ELP3: variants seen among roughly 807,000 people sequenced by gnomAD.
ELP3 encodes elongator acetyltransferase complex subunit 3, also known as elongator complex protein 3.
A neutral mutation model predicts 74.9 loss-of-function variants in ELP3; 56 were observed. The observed-to-expected ratio is 0.75, with a 90% CI of 0.60 to 0.93. ELP3 has a LOEUF of 0.93. ELP3 is among the 40% of genes least tolerant of loss of function. ELP3 has a pLI of 0.00. For missense variants in ELP3, 573 were observed against 686.5 expected (o/e 0.83, Z 1.85); for synonymous variants, 222 against 239.8 (o/e 0.93, Z 0.68).
chr8:28,189,805 G>GTATTTA lies in ELP3; in HGVS notation c.*80_*81insTATTTA. 6.8e-7 allele frequency: 1 copy of GTATTTA among 1,478,760 alleles called. No individual in the cohort carries two copies. The allele number at this position is 1,478,760 out of a possible 1,614,324, so 91.6% of individuals were successfully genotyped here. A position where few individuals can be genotyped will look rare whatever the true frequency, so the allele number is the denominator to read the frequency against. On this transcript the variant is annotated 3_prime_UTR_variant, in exon 15 of 15. Coordinates refer to ENST00000256398, the MANE Select transcript of ELP3 (RefSeq NM_018091.6). The stretch of plus-strand genomic sequence containing the variant: ...CAGGATTTCTTAAATACTCAACAGA[G>GTATTTA]AGGCTGAGCAGAGCAAATGGGGGGC...
At position 28,167,351 on chromosome 8, in the gene ELP3, G is replaced by A. The variant is rs1037511250; in HGVS notation, c.1567+5273G>A. On this transcript the variant is annotated intron_variant, in intron 14 of 14. Coordinates refer to ENST00000256398, the MANE Select transcript of ELP3 (RefSeq NM_018091.6). Reference sequence around the variant, plus strand: ...GAACCACTGATTAATAAAATCATATGTGGGCAGAAAATAGCAGTTGTTTTG... The same window carrying A: ...GAACCACTGATTAATAAAATCATATATGGGCAGAAAATAGCAGTTGTTTTG... 2.6e-5 allele frequency among the ~76,000 whole-genome samples: 4 copies of A among 152,308 alleles called. No homozygotes were observed. The East Asian group carries it at 7.7e-4, about 29-fold the overall frequency.
intron 14 of ELP3, among the ~76,000 whole-genome samples, chr8:28,186,516 CA>C (rs1325528612): frequency 7.9e-5 from 12 of 152,162 alleles, no homozygotes; most frequent in African/African-American, 2.9e-4. Context: ...AAGCAACATC[CA>C]AGAAAAGAGA....
rs1813492671 is a variant in ELP3, at chr8:28,147,928, C to G, written c.1101-8014C>G. 6.6e-6 allele frequency among the ~76,000 whole-genome samples: 1 copy of G among 151,992 alleles called. No individual in the cohort carries two copies. On this transcript the variant is annotated intron_variant, in intron 10 of 14. Coordinates refer to ENST00000256398, the MANE Select transcript of ELP3 (RefSeq NM_018091.6). The surrounding 1 kb of genome is among the most constrained non-coding windows in gnomAD (Gnocchi z 4.5). ...AGAAACCAGCCTGAATGCATACCCA[C>G]TGGCAAAAATCTAATGTCAGCAACA...
At chr8:28,090,482 GGTGTGTGTGT>G (rs34145175), upstream of ELP3, 1,011 of 160,308 alleles carry the variant, frequency 6.3e-3, 14 homozygotes, top group African/African-American at 0.025. Context: ...CTGATGGGTG[GGTGTGTGTGT>G]GTGTGTGTGT....
At chr8:28,132,825 C>G (rs58198013) in intron 9 of ELP3, among the ~76,000 whole-genome samples, 1 of 151,982 alleles carries the variant, frequency 6.6e-6, no homozygotes, top group Non-Finnish European at 1.5e-5. Context: ...TAAACCCTTG[C>G]AAGTTTTTCA....
intron 14 of ELP3, among the ~76,000 whole-genome samples, chr8:28,180,764 T>G (rs1814976718): frequency 6.6e-6 from 1 of 152,190 alleles, no homozygotes; most frequent in African/African-American, 2.4e-5. Flanking sequence ...TCTAGAAGAT[T>G]CCTATCCCCA....
intron 6 of ELP3, chr8:28,110,645 G>A (rs1811881460): frequency 4.2e-6 from 2 of 473,410 alleles, no homozygotes; most frequent in South Asian, 6.4e-5. Context: ...TGTATTTATT[G>A]TTTAAGGGTT....
At chr8:28,166,982 G>T (rs1814331239) in intron 14 of ELP3, among the ~76,000 whole-genome samples, 1 of 152,192 alleles carries the variant, frequency 6.6e-6, no homozygotes, top group African/African-American at 2.4e-5. Context: ...AAATTAATAT[G>T]GCCATTGGCC....
chr8:28,161,295 C>T (rs1038824163), intron 13 of ELP3, among the ~76,000 whole-genome samples: 4 of 151,870 alleles, frequency 2.6e-5, no homozygotes, highest in African/African-American at 4.8e-5. Context: ...GAGAGGTGGC[C>T]GGGAGTGGTG....
intron 3 of ELP3, among the ~76,000 whole-genome samples, chr8:28,101,010 C>G (rs181265269): frequency 6.6e-6 from 1 of 152,172 alleles, no homozygotes; most frequent in Non-Finnish European, 1.5e-5. Flanking sequence ...GATCACCTTA[C>G]GTTTGTGGCT....
At chr8:28,171,768 A>G (rs1173570527) in intron 14 of ELP3, among the ~76,000 whole-genome samples, 1 of 152,112 alleles carries the variant, frequency 6.6e-6, no homozygotes, top group Admixed American at 6.5e-5. Context: ...GTTTTCTTCT[A>G]AGGGCTTTAT....
At chr8:28,168,384 T>C (rs781579320) in intron 14 of ELP3, among the ~76,000 whole-genome samples, 38 of 152,194 alleles carry the variant, frequency 2.5e-4, no homozygotes, top group Non-Finnish European at 5.0e-4. Context: ...GCCTCTTACA[T>C]TTCAGAGTGT....
In ELP3 at chr8:28,139,051, A is replaced by G. The variant is rs114461684; in HGVS notation, c.1100+1160A>G. On this transcript the variant is annotated intron_variant, in intron 10 of 14. Coordinates refer to ENST00000256398, the MANE Select transcript of ELP3 (RefSeq NM_018091.6). ...CAGGAGGCAGGGAGCCACAGGGTCC[A>G]GAGCAGGGTGAGAAGGTCACTCATT... 9.5e-3 allele frequency among the ~76,000 whole-genome samples: 1,453 copies of G among 152,294 alleles called. 26 individuals are homozygous for G. Among genetic ancestry groups the G allele is most frequent in the African/African-American group, 0.033 (1,367 of 41,552 alleles).
intron 9 of ELP3, among the ~76,000 whole-genome samples, chr8:28,133,643 C>T (rs972684256): frequency 6.6e-6 from 1 of 152,098 alleles, no homozygotes; most frequent in South Asian, 2.1e-4. Flanking sequence ...CGATATTTAT[C>T]AAGTTATTTC....
chr8:28,098,071 G>T (rs1003861741), intron 2 of ELP3, among the ~76,000 whole-genome samples: 4 of 152,030 alleles, frequency 2.6e-5, no homozygotes, highest in African/African-American at 9.7e-5. Flanking sequence ...TCCCTTTGGG[G>T]CCCCTGATCT....
At position 28,176,251 on chromosome 8, in the gene ELP3, C is replaced by CA. The variant is rs746199572; in HGVS notation, c.1568-13391dup. ...AGGGATTTTTCTTAAATGTCTGGTTCAAAAAAAGAAAAAAGGATGTGTATC... is the reference window on the plus strand; with the variant it reads ...AGGGATTTTTCTTAAATGTCTGGTTCAAAAAAAAGAAAAAAGGATGTGTATC... On this transcript the variant is annotated intron_variant, in intron 14 of 14. Transcript: ENST00000256398. 1.1e-3 allele frequency among the ~76,000 whole-genome samples: 165 copies of CA among 151,392 alleles called. 1 individual carries two copies. The highest frequency in any genetic ancestry group is 1.9e-3 in the Admixed American group (29 of 15,256).
rs1811396183 is a variant in ELP3, at chr8:28,099,737, A to G, written c.120-91A>G. On this transcript the variant is annotated intron_variant, in intron 2 of 14. Transcript: ENST00000256398. ...CGTGGTGAAGGGATTGGAGAGTGAC[A>G]GTTGTTAATGATGTTGTTTATAGAT... 1.4e-5 allele frequency: 19 copies of G among 1,378,642 alleles called. No individual in the cohort carries two copies. In the South Asian group the frequency reaches 1.8e-4, roughly 13 times the overall value. The allele number at this position is 1,378,642 out of a possible 1,614,324, so 85.4% of individuals were successfully genotyped here. A position where few individuals can be genotyped will look rare whatever the true frequency, so the allele number is the denominator to read the frequency against.
intron 7 of ELP3, among the ~76,000 whole-genome samples, chr8:28,124,844 C>T (rs1032117420): frequency 1.3e-5 from 2 of 152,162 alleles, no homozygotes; most frequent in African/African-American, 4.8e-5. Flanking sequence ...AGGTAGTACT[C>T]ATTTTTAAAT....
intron 14 of ELP3, among the ~76,000 whole-genome samples, chr8:28,162,339 G>A (rs925022105): frequency 2.6e-5 from 4 of 152,170 alleles, no homozygotes; most frequent in African/African-American, 4.8e-5. Context: ...CAGCATGGTC[G>A]CCTCCTCTTT....
Sources: allele counts gnomAD v4.1 joint callset (sites outside exome capture counted in the v4.1 genomes callset), GRCh38; gene constraint gnomAD v4.1.1; non-coding constraint Gnocchi (gnomAD v3.1); transcripts MANE v1.5; gene names NCBI Gene and HGNC (gene_info 2026-07-23, HGNC 2026-07-21).